BRD3: variants seen among roughly 807,000 people sequenced by gnomAD.
The protein encoded by BRD3 is bromodomain containing 3, also known as bromodomain-containing protein 3.
In BRD3, 17 loss-of-function variants were observed where a neutral mutation model predicts 66.8. The ratio of observed to expected loss-of-function variants is 0.25; its 90% CI spans 0.17 to 0.38. The LOEUF is 0.38. BRD3 is among the 10% of genes least tolerant of loss of function. The pLI is 1.00. For missense variants in BRD3, 713 were observed against 956.1 expected, an observed-to-expected ratio of 0.75 and a Z score of 3.35; for synonymous variants, 421 against 393.2, an observed-to-expected ratio of 1.07 and a Z score of -0.84.
intron 11 of BRD3, 94 bp downstream of exon 11, chr9:134,034,607 A>G: frequency 6.6e-7 from 1 of 1,521,066 alleles, no homozygotes; most frequent in Non-Finnish European, 8.8e-7. Context: ...GAGGTAAGCC[A>G]CACTCAGACG....
At chr9:134,063,478 T>C (rs1302100575) in intron 1 of BRD3, among the ~76,000 whole-genome samples, 1 of 152,118 alleles carries the variant, frequency 6.6e-6, no homozygotes, top group Non-Finnish European at 1.5e-5. Context: ...AGGCCAAGGC[T>C]CCAGTGACGC....
Position 134,031,904 on chromosome 9 carries a change from G to C in BRD3, c.*1686C>G. The C allele has an allele frequency of 4.5e-6, 1 of 220,828 alleles. No individual in the cohort carries two copies. Among genetic ancestry groups the C allele is most frequent in the Admixed American group, 5.8e-5 (1 of 17,278 alleles). 13.7% of individuals were successfully genotyped at this position (220,828 alleles called of 1,614,324 possible). ...AGAATGCCTGGTTTCAGTCATTTCC[G>C]GACTAACTGTGACAACGCGTGAGCA... On this transcript the variant is annotated 3_prime_UTR_variant, in exon 12 of 12. Coordinates refer to ENST00000303407, the MANE Select transcript of BRD3 (RefSeq NM_007371.4).
At chr9:134,065,566 C>A (rs879720521) in intron 1 of BRD3, among the ~76,000 whole-genome samples, 2 of 152,192 alleles carry the variant, frequency 1.3e-5, no homozygotes, top group Non-Finnish European at 2.9e-5. Flanking sequence ...AACCAAGAGA[C>A]CCGCAGCACG....
At chr9:134,050,732 G>GC (rs1265522347) in intron 4 of BRD3, 144 bp from the exon 5 acceptor site, 1 of 673,060 alleles carries the variant, frequency 1.5e-6, no homozygotes, top group East Asian at 2.8e-5. Context: ...ATGCTGAGAT[G>GC]CCCCCCATCC....
At chr9:134,048,596 C>A in intron 5 of BRD3, 142 bp from the exon 6 acceptor site, 1 of 1,315,530 alleles carries the variant, frequency 7.6e-7, no homozygotes, top group East Asian at 2.4e-5. Context: ...GGAGAGGACA[C>A]CAAGGCTCAG....
chr9:134,035,925 A>G, intron 10 of BRD3, 107 bp downstream of exon 10: 1 of 1,420,896 alleles, frequency 7.0e-7, no homozygotes, highest in Non-Finnish European at 9.4e-7. Flanking sequence ...ACAGCGTGGC[A>G]GCCCTGTGCC....
chr9:134,052,002 T>C (rs1296327025), intron 3 of BRD3, among the ~76,000 whole-genome samples: 1 of 151,124 alleles, frequency 6.6e-6, no homozygotes. Context: ...GTGATTCTCC[T>C]GCCTTAGCCT....
chr9:134,044,932 TCCTTGCCACAGA>T (rs1381114567), intron 7 of BRD3, among the ~76,000 whole-genome samples: 1 of 152,178 alleles, frequency 6.6e-6, no homozygotes, highest in African/African-American at 2.4e-5. Context: ...TCCAAGCCTC[TCCTTGCCACAGA>T]AGACTTGCTG....
chr9:134,034,431 T>C, intron 11 of BRD3: 1 of 429,330 alleles, frequency 2.3e-6, no homozygotes, highest in South Asian at 3.1e-5. Context: ...ACAAGAGCCC[T>C]CTCCTGGGGG....
At chr9:134,040,443 G>C (rs1564549402) in intron 8 of BRD3, among the ~76,000 whole-genome samples, 174 bp from the exon 9 acceptor site, 1 of 152,198 alleles carries the variant, frequency 6.6e-6, no homozygotes. Flanking sequence ...GTGACCCCCA[G>C]TGAGTCATGA....
chr9:134,047,360 C>T (rs796301000), intron 6 of BRD3, among the ~76,000 whole-genome samples: 6 of 150,846 alleles, frequency 4.0e-5, no homozygotes, highest in African/African-American at 1.5e-4. Context: ...TGGCTTGGAG[C>T]TCTCCCAGAG....
chr9:134,034,883 G>T, intron 10 of BRD3, 54 bp from the exon 11 acceptor site: 1 of 1,603,052 alleles, frequency 6.2e-7, no homozygotes. Context: ...TGGGGCAGGA[G>T]CCAGGGCTGC....
intron 6 of BRD3, among the ~76,000 whole-genome samples, chr9:134,047,152 C>T (rs1233983783): frequency 6.6e-6 from 1 of 152,210 alleles, no homozygotes; most frequent in Non-Finnish European, 1.5e-5. Context: ...GTCTGTCCTG[C>T]CCGAGATCCA....
intron 1 of BRD3, chr9:134,058,231 G>C (rs989416737): frequency 2.0e-5 from 3 of 152,302 alleles, no homozygotes; most frequent in African/African-American, 7.2e-5. Flanking sequence ...GGACGTCCTA[G>C]CCAGTGGCTA....
intron 2 of BRD3, 71 bp from the exon 3 acceptor site, chr9:134,052,514 A>G: frequency 6.6e-7 from 1 of 1,524,450 alleles, no homozygotes; most frequent in Non-Finnish European, 8.9e-7. Flanking sequence ...CCAAGTGGAC[A>G]CAGCCCGACC....
At chr9:134,066,292 T>C (rs1423733996) in intron 1 of BRD3, among the ~76,000 whole-genome samples, 1 of 152,120 alleles carries the variant, frequency 6.6e-6, no homozygotes, top group Non-Finnish European at 1.5e-5. Context: ...GTGCCTTATC[T>C]TTCATGATCA....
intron 1 of BRD3, among the ~76,000 whole-genome samples, chr9:134,067,702 G>C (rs1458591904): frequency 6.9e-6 from 1 of 145,822 alleles, no homozygotes; most frequent in Non-Finnish European, 1.5e-5. Flanking sequence ...GAGGAGGGGA[G>C]CGGAGCCCGC....
At chr9:134,042,782 T>C (rs1485979972) in intron 7 of BRD3, among the ~76,000 whole-genome samples, 3 of 76,956 alleles carry the variant, frequency 3.9e-5, no homozygotes, top group Non-Finnish European at 4.9e-5. Context: ...CACATATATA[T>C]ACACAAATAT....
chr9:134,051,875 G>GGGTA (rs1830308640), intron 3 of BRD3, among the ~76,000 whole-genome samples, 166 bp from the exon 4 acceptor site: 1 of 101,012 alleles, frequency 9.9e-6, no homozygotes, highest in Non-Finnish European at 1.9e-5. Flanking sequence ...GTGTGTGTGT[G>GGGTA]TGTTGTTTTT....
Sources: allele counts gnomAD v4.1 joint callset (sites outside exome capture counted in the v4.1 genomes callset), GRCh38; gene constraint gnomAD v4.1.1; transcripts MANE v1.5; gene names NCBI Gene and HGNC (gene_info 2026-07-23, HGNC 2026-07-21).